Variants in TCHH observed in about 807,000 individuals in gnomAD.
TCHH encodes trichohyalin.
Under a neutral mutation model 6.3 loss-of-function variants are expected in TCHH, and 6 were observed. The ratio of observed to expected loss-of-function variants is 0.95; its 90% CI spans 0.52 to 1.88. TCHH has a LOEUF of 1.88. Among genes scored for constraint, TCHH ranks in the 40% most tolerant of loss-of-function variants. The pLI is 0.01. For synonymous variants in TCHH, 1,087 were observed against 963.6 expected, an observed-to-expected ratio of 1.13 and a Z score of -2.37; for missense variants, 2,920 against 2,449.1, an observed-to-expected ratio of 1.19 and a Z score of -4.06.
At position 152,108,618 on chromosome 1, in the gene TCHH, G is replaced by A; in HGVS notation, c.4599C>T (p.Phe1533=). 1.2e-6 allele frequency: 2 copies of A among 1,600,554 alleles called. No individual in the cohort carries two copies. The highest frequency in any genetic ancestry group is 2.2e-5 in the South Asian group (2 of 90,874). ...QLHRQQRQRK[F]LQEEQQLRRQ... ...GGCGCAGCTGCTGTTCCTCCTGGAG[G>A]AATTTTCTCTGCCGTTGCTGGCGGT... is the stretch of plus-strand genomic sequence containing the variant. The change falls in exon 3 of 3, where the codon TTC becomes TTT. Residue 1533 remains phenylalanine (F), a synonymous_variant. Transcript: ENST00000614923.
In TCHH at chr1:152,111,845, G is replaced by T. The variant is rs1170392646; in HGVS notation, c.1372C>A (p.Leu458Met). 3 of 1,598,750 alleles carry T rather than the reference G, an allele frequency of 1.9e-6. No individual in the cohort carries two copies. The highest frequency in any genetic ancestry group is 2.6e-6 in the Non-Finnish European group (3 of 1,176,144). The change falls in exon 3 of 3, where the codon CTG becomes ATG. Residue 458 changes from leucine (L) to methionine (M), a missense_variant. Physicochemically the swap from Leu to Met is conservative, Grantham distance 15. Coordinates refer to ENST00000614923, the MANE Select transcript of TCHH (RefSeq NM_007113.4). ...KREQEERRDW[L>M]KREEETERHE... Reference sequence around the variant, plus strand: ...CTCTCCGTCTCCTCCTCGCGCTTCAGCCAATCGCGCCTCTCCTCCTGCTCG... The same window carrying T: ...CTCTCCGTCTCCTCCTCGCGCTTCATCCAATCGCGCCTCTCCTCCTGCTCG...
chr1:152,110,712 C>T lies in TCHH; in HGVS notation c.2505G>A (p.Glu835=). 1 of 1,611,956 alleles carries T rather than the reference C, an allele frequency of 6.2e-7. No homozygotes were observed. The highest frequency in any genetic ancestry group is 8.5e-7 in the Non-Finnish European group (1 of 1,179,980). ...REREKELQFL[E]EEEQLQRRER... ...CCCGCCGCTGGAGCTGCTCCTCTTC[C>T]TCCAGGAACTGCAGCTCTTTCTCCC... Residue 835 remains glutamate (E), a synonymous_variant, in exon 3 of 3, where the codon GAG becomes GAA. Transcript: ENST00000614923.
rs552451492 is a variant in TCHH at position 152,106,679 on chromosome 1, A to T, written c.*706T>A. ...AAAATTTGAACTCTGAAGTTGAGAAACACCTCATTATTTCTTCATGAGATT... is the reference window on the plus strand; with the variant it reads ...AAAATTTGAACTCTGAAGTTGAGAATCACCTCATTATTTCTTCATGAGATT... On this transcript the variant is annotated 3_prime_UTR_variant, in exon 3 of 3. Coordinates refer to ENST00000614923, the MANE Select transcript of TCHH (RefSeq NM_007113.4). 6.6e-6 allele frequency: 1 copy of T among 152,358 alleles called. No individual in the cohort carries two copies. Among genetic ancestry groups the T allele is most frequent in the South Asian group, 2.1e-4 (1 of 4,832 alleles). 9.4% of individuals were successfully genotyped at this position (152,358 alleles called of 1,614,324 possible).
Position 152,110,038 on chromosome 1 carries a change from T to C in TCHH, c.3179A>G (p.Glu1060Gly). 6.2e-7 allele frequency: 1 copy of C among 1,607,772 alleles called. No homozygotes were observed. Among genetic ancestry groups the C allele is most frequent in the Non-Finnish European group, 8.5e-7 (1 of 1,177,780 alleles). ...CCGTTCCTCTCCCAGCAGCTGCTCTTCCTCCTGCTGCAGCTCCTCTTCCTC... is the reference window on the plus strand; with the variant it reads ...CCGTTCCTCTCCCAGCAGCTGCTCTCCCTCCTGCTGCAGCTCCTCTTCCTC... ...YREEEELQQE[E>G]EQLLGEERET... The change falls in exon 3 of 3, where the codon GAA becomes GGA. Residue 1060 changes from glutamate (E) to glycine (G), a missense_variant. Physicochemically the swap from Glu to Gly is moderately conservative, Grantham distance 98. Coordinates refer to ENST00000614923, the MANE Select transcript of TCHH (RefSeq NM_007113.4).
In TCHH at chr1:152,108,538, T is replaced by C. The variant is rs1251420201; in HGVS notation, c.4679A>G (p.Glu1560Gly). The change falls in exon 3 of 3, where the codon GAG becomes GGG. Residue 1560 changes from glutamate (E) to glycine (G), a missense_variant. Physicochemically the swap from Glu to Gly is moderately conservative, Grantham distance 98. Coordinates refer to ENST00000614923, the MANE Select transcript of TCHH (RefSeq NM_007113.4). Reference sequence around the variant, plus strand: ...CTCCCTCTCCTGGCGCAGCTGTTCCTCCTCGCGGAATTTTCTGTCACGGTC... The same window carrying C: ...CTCCCTCTCCTGGCGCAGCTGTTCCCCCTCGCGGAATTTTCTGTCACGGTC... ...RQDRDRKFRE[E>G]EQLRQEREEQ... 5.0e-6 allele frequency: 8 copies of C among 1,611,170 alleles called. No homozygotes were observed. Among genetic ancestry groups the C allele is most frequent in the Non-Finnish European group, 6.8e-6 (8 of 1,179,266 alleles).
intron 2 of TCHH, 33 bp from the exon 3 acceptor site, chr1:152,113,111 T>A: frequency 6.5e-7 from 1 of 1,541,904 alleles, no homozygotes; most frequent in Non-Finnish European, 8.7e-7. Context: ...AATTTTACAA[T>A]GCACTATTTA....
rs1658113921 is a variant in TCHH at position 152,106,653 on chromosome 1, TAA to T, written c.*730_*731del. On this transcript the variant is annotated 3_prime_UTR_variant, in exon 3 of 3. Transcript: ENST00000614923. ...CTATAGACTACAACAGACACAGTTT[TAA>T]AATTTGAACTCTGAAGTTGAGAAAC... The T allele has an allele frequency of 6.6e-6, 1 of 152,234 alleles. No individual in the cohort carries two copies. Among genetic ancestry groups the T allele is most frequent in the Non-Finnish European group, 1.5e-5 (1 of 68,040 alleles). The allele number at this position is 152,234 out of a possible 1,614,324, so 9.4% of individuals were successfully genotyped here. A position where few individuals can be genotyped will look rare whatever the true frequency, so the allele number is the denominator to read the frequency against.
Position 152,110,864 on chromosome 1 carries a change from A to AT in TCHH, c.2352_2353insA (p.Ser785IlefsTer180). ...TGCTCCCGCAATGGGGGCCTGGCCG[A>AT]CAGCCTCTGACGGCCCCTCTCGCTC... On this transcript the variant is annotated frameshift_variant, in exon 3 of 3. Coordinates refer to ENST00000614923, the MANE Select transcript of TCHH (RefSeq NM_007113.4). LOFTEE classifies it low-confidence loss of function (END_TRUNC). The AT allele has an allele frequency of 6.2e-7, 1 of 1,609,760 alleles. No individual in the cohort carries two copies. Among genetic ancestry groups the AT allele is most frequent in the Non-Finnish European group, 8.5e-7 (1 of 1,179,598 alleles).
In TCHH at chr1:152,110,026, A is replaced by C; in HGVS notation, c.3191T>G (p.Leu1064Arg). ...CCTTCTCGTCTCCCGTTCCTCTCCC[A>C]GCAGCTGCTCTTCCTCCTGCTGCAG... ...EELQQEEEQL[L>R]GEERETRRRQ... The change falls in exon 3 of 3, where the codon CTG becomes CGG. Residue 1064 changes from leucine (L) to arginine (R), a missense_variant. Leu to Arg is a moderately radical substitution (Grantham distance 102). Coordinates refer to ENST00000614923, the MANE Select transcript of TCHH (RefSeq NM_007113.4). 1 of 1,600,056 alleles carries C rather than the reference A, an allele frequency of 6.2e-7. No individual in the cohort carries two copies. Among genetic ancestry groups the C allele is most frequent in the African/African-American group, 1.4e-5 (1 of 70,956 alleles).
rs375419408 is a variant in TCHH at position 152,110,963 on chromosome 1, C to T, written c.2254G>A (p.Glu752Lys). The T allele has an allele frequency of 1.1e-5, 18 of 1,613,280 alleles. No individual in the cohort carries two copies. Among genetic ancestry groups the T allele is most frequent in the Non-Finnish European group, 1.5e-5 (18 of 1,180,012 alleles). The change falls in exon 3 of 3, where the codon GAA becomes AAA. Residue 752 changes from glutamate to lysine, a missense_variant. Coordinates refer to ENST00000614923, the MANE Select transcript of TCHH (RefSeq NM_007113.4). ...TCCTGCTGCTGCCGGTGAGCCCGTTCCTCCTCCTGCCATTGCAGCTCACTC... is the reference window on the plus strand; with the variant it reads ...TCCTGCTGCTGCCGGTGAGCCCGTTTCTCCTCCTGCCATTGCAGCTCACTC... ...RESELQWQEE[E>K]RAHRQQQEEE...
In TCHH at chr1:152,107,234, G is replaced by A. The variant is rs966928609; in HGVS notation, c.*151C>T. On this transcript the variant is annotated 3_prime_UTR_variant, in exon 3 of 3. Transcript: ENST00000614923. ...AGCAGAAGTACAAAGTGCGTAAAATGAGCGTAGTTTAAGATTTTGGAAGAA... is the reference window on the plus strand; with the variant it reads ...AGCAGAAGTACAAAGTGCGTAAAATAAGCGTAGTTTAAGATTTTGGAAGAA... 3.3e-5 allele frequency: 26 copies of A among 787,070 alleles called. No homozygotes were observed. The highest frequency in any genetic ancestry group is 2.6e-4 in the African/African-American group (15 of 58,384). 48.8% of individuals were successfully genotyped at this position (787,070 alleles called of 1,614,324 possible). A position where few individuals can be genotyped will look rare whatever the true frequency, so the allele number is the denominator to read the frequency against.
chr1:152,108,473 G>A lies in TCHH; in HGVS notation c.4744C>T (p.Arg1582Cys), dbSNP rs748912470. The A allele has an allele frequency of 6.2e-6, 10 of 1,612,454 alleles. No homozygotes were observed. Among genetic ancestry groups the A allele is most frequent in the East Asian group, 2.2e-5 (1 of 44,682 alleles). The change falls in exon 3 of 3, where the codon CGT (arginine) becomes TGT (cysteine). Residue 1582 changes from arginine (R) to cysteine (C), a missense_variant. Transcript: ENST00000614923. ...CGGCGCACTTTCTGTTCCTCTAAAC[G>A]GAATTTTCTGTCACGCTCTTGGCGG... ...LSRQERDRKF[R>C]LEEQKVRRQE...
rs199667222 is a variant in TCHH, at chr1:152,111,136, C to G, written c.2081G>C (p.Arg694Pro). 80 of 1,613,762 alleles carry G rather than the reference C, an allele frequency of 5.0e-5. No homozygotes were observed. The African/African-American group carries it at 8.8e-4, about 18-fold the overall frequency. Residue 694 changes from arginine to proline, a missense_variant, in exon 3 of 3, where the codon CGG (arginine) becomes CCG (proline). Transcript: ENST00000614923. ...CGGGATGCGGCTCTTAATCCGCTCCCGGGCCTGTTCCTGCTCCTCCTCAGC... is the reference window on the plus strand; with the variant it reads ...CGGGATGCGGCTCTTAATCCGCTCCGGGGCCTGTTCCTGCTCCTCCTCAGC... Reference protein sequence around the residue: ...ELAEEEQEQARERIKSRIPKW... With the variant: ...ELAEEEQEQAPERIKSRIPKW...
chr1:152,113,903 G>A (rs770319780), intron 2 of TCHH, 40 bp downstream of exon 2: 5 of 1,596,624 alleles, frequency 3.1e-6, no homozygotes, highest in Admixed American at 1.8e-5. Flanking sequence ...AAATCTCATA[G>A]CCTCAAGTCA....
rs1658474067 is a variant in TCHH, at chr1:152,114,933, T to C, written c.-32+458A>G. On this transcript the variant is annotated intron_variant, in intron 1 of 2. Coordinates refer to ENST00000614923, the MANE Select transcript of TCHH (RefSeq NM_007113.4). ...TTATAAAACATTAGCCAGCAGTAGA[T>C]CAATGTTATAAGAATACATGGAATG... Among the ~76,000 whole-genome samples the C allele has an allele frequency of 1.3e-5, 2 of 152,222 alleles. 1 individual carries two copies. Among genetic ancestry groups the C allele is most frequent in the Admixed American group, 1.3e-4 (2 of 15,282 alleles).
At position 152,110,763 on chromosome 1, in the gene TCHH, C is replaced by G. The variant is rs770283531; in HGVS notation, c.2454G>C (p.Glu818Asp). 9 of 1,607,998 alleles carry G rather than the reference C, an allele frequency of 5.6e-6. No individual in the cohort carries two copies. Among genetic ancestry groups the G allele is most frequent in the Non-Finnish European group, 7.6e-6 (9 of 1,179,882 alleles). Residue 818 changes from glutamate (E) to aspartate (D), a missense_variant, in exon 3 of 3, where the codon GAG becomes GAC. Coordinates refer to ENST00000614923, the MANE Select transcript of TCHH (RefSeq NM_007113.4). The stretch of plus-strand genomic sequence containing the variant: ...TCTCGCGTCGCTGGCGGCGCCGCTG[C>G]TCCTTCTCCTCCTCCTCCGGGAGAA... ...QRFLPEEEEK[E>D]QRRRQRRERE...
Position 152,111,344 on chromosome 1 carries a change from G to A in TCHH, c.1873C>T (p.Pro625Ser). 3.8e-6 allele frequency: 6 copies of A among 1,581,782 alleles called. No individual in the cohort carries two copies. In the Admixed American group the frequency reaches 5.2e-5, roughly 14 times the overall value. Residue 625 changes from proline to serine, a missense_variant, in exon 3 of 3, where the codon CCG becomes TCG. Pro to Ser is a moderately conservative substitution (Grantham distance 74, BLOSUM62 -1). Transcript: ENST00000614923. ...AGCTGCTGGCGCCTCTCTTCCTCCG[G>A]CTCCTCGCGCTTCAGCCGCTGCTCG... ...RREQRLKREE[P>S]EEERRQQLLK... is the part of the protein sequence containing the mutation.
At position 152,107,288 on chromosome 1, in the gene TCHH, C is replaced by A; in HGVS notation, c.*97G>T. ...ACATTCTAATATCAGAGAGTTTTCC[C>A]ACAACCAGAAACATCTGAGTTATCA... On this transcript the variant is annotated 3_prime_UTR_variant, in exon 3 of 3. Transcript: ENST00000614923. 3.1e-6 allele frequency: 4 copies of A among 1,277,542 alleles called. No individual in the cohort carries two copies. The highest frequency in any genetic ancestry group is 4.3e-6 in the Non-Finnish European group (4 of 938,112). The allele number at this position is 1,277,542 out of a possible 1,614,324, so 79.1% of individuals were successfully genotyped here. A position where few individuals can be genotyped will look rare whatever the true frequency, so the allele number is the denominator to read the frequency against.
rs1185349235 is a variant in TCHH, at chr1:152,110,250, T to C, written c.2967A>G (p.Lys989=). ...EKRRRQEREK[K]YREEEELQQE... is the part of the protein sequence containing the mutation. ...GCTGCAACTCCTCTTCCTCGCGGTA[T>C]TTTTTCTCCCGCTCCTGGCGCCTTC... is the stretch of plus-strand genomic sequence containing the variant. The change falls in exon 3 of 3, where the codon AAA becomes AAG. Residue 989 remains lysine (K), a synonymous_variant. Coordinates refer to ENST00000614923, the MANE Select transcript of TCHH (RefSeq NM_007113.4). 1 of 1,605,308 alleles carries C rather than the reference T, an allele frequency of 6.2e-7. No individual in the cohort carries two copies. The highest frequency in any genetic ancestry group is 8.5e-7 in the Non-Finnish European group (1 of 1,176,822).
Sources: allele counts gnomAD v4.1 joint callset (sites outside exome capture counted in the v4.1 genomes callset), GRCh38; gene constraint gnomAD v4.1.1; transcripts MANE v1.5; gene names NCBI Gene and HGNC (gene_info 2026-07-23, HGNC 2026-07-21).